The following PCDHA4 variants were observed in gnomAD, a reference collection of about 807,000 sequenced individuals.
PCDHA4 encodes protocadherin alpha 4.
In PCDHA4, 49 loss-of-function variants were observed where a neutral mutation model predicts 61.4. That is an observed-to-expected ratio of 0.80 (90% CI 0.63 to 1.01). PCDHA4 has a LOEUF of 1.01. PCDHA4 is among the 50% of genes least tolerant of loss of function. The pLI, the probability that PCDHA4 is intolerant of heterozygous loss-of-function variation, is 0.00. For missense variants in PCDHA4, 1,254 were observed against 1,235.8 expected (o/e 1.01, Z -0.22); for synonymous variants, 590 against 550.3 (o/e 1.07, Z -1.01).
chr5:140,829,348 G>T, intron 1 of PCDHA4: 4 of 1,614,236 alleles, frequency 2.5e-6, no homozygotes, highest in Non-Finnish European at 2.5e-6. Context: ...AGAGCGTGTC[G>T]GCCTATGAGT....
At chr5:140,915,781 A>C (rs2153536351) in intron 1 of PCDHA4, among the ~76,000 whole-genome samples, 1 of 152,104 alleles carries the variant, frequency 6.6e-6, no homozygotes, top group South Asian at 2.1e-4. Flanking sequence ...GGCCTGCTGT[A>C]ACCACTACCT....
Position 140,856,604 on chromosome 5 carries a change from GA to G in PCDHA4, c.2385+47033del, listed in dbSNP as rs782310012. On this transcript the variant is annotated intron_variant, in intron 1 of 3. Transcript: ENST00000530339. ...TGTTCTTGATATTATAAACAAAAAA[GA>G]CAAAGACAAATTCCCAGTGCTTGTT... 3.6e-5 allele frequency: 57 copies of G among 1,597,724 alleles called. 2 individuals are homozygous for G. In the African/African-American group the frequency reaches 6.7e-4, roughly 19 times the overall value.
intron 1 of PCDHA4, chr5:140,875,484 C>A: frequency 6.2e-7 from 1 of 1,611,246 alleles, no homozygotes. Context: ...TGGTGATTAT[C>A]GGACCAAGAG....
At chr5:140,856,750 C>T (rs1554149043) in intron 1 of PCDHA4, 2 of 1,596,152 alleles carry the variant, frequency 1.3e-6, no homozygotes, top group Non-Finnish European at 1.7e-6. Flanking sequence ...TGTTAGATGC[C>T]AATGATAACG....
chr5:141,009,809 G>T lies in PCDHA4; in HGVS notation c.2716G>T (p.Asp906Tyr), dbSNP rs782057926. The T allele has an allele frequency of 6.2e-7, 1 of 1,613,834 alleles. No homozygotes were observed. Among genetic ancestry groups the T allele is most frequent in the Non-Finnish European group, 8.5e-7 (1 of 1,180,010 alleles). ...GCAGGAGCCTACTAACAGCCAAATT[G>T]ACAAAAGTGACTTCATAACCTTCGG... ...IRQEPTNSQI[D>Y]KSDFITFGKK... The change falls in exon 4 of 4, where the codon GAC becomes TAC. Residue 906 changes from aspartate to tyrosine, a missense_variant. Physicochemically the swap from Asp to Tyr is radical, Grantham distance 160 (BLOSUM62 -3). Coordinates refer to ENST00000530339, the MANE Select transcript of PCDHA4 (RefSeq NM_018907.4).
intron 1 of PCDHA4, chr5:140,836,570 G>A (rs1294838200): frequency 6.2e-6 from 10 of 1,613,682 alleles, no homozygotes; most frequent in Non-Finnish European, 7.6e-6. Flanking sequence ...CGTCCTCTGA[G>A]GGCGCATGTA....
intron 1 of PCDHA4, chr5:140,834,591 T>C: frequency 1.2e-6 from 2 of 1,614,048 alleles, no homozygotes; most frequent in Non-Finnish European, 1.7e-6. Flanking sequence ...GGTGTGCAAA[T>C]TCCGTGGGGA....
chr5:140,960,519 G>C (rs188949970), intron 1 of PCDHA4, among the ~76,000 whole-genome samples: 19 of 152,198 alleles, frequency 1.2e-4, no homozygotes, highest in Admixed American at 1.2e-3. Context: ...AACATAATGG[G>C]TATAGGAAAG....
chr5:140,842,521 C>G lies in PCDHA4; in HGVS notation c.2385+32949C>G, dbSNP rs144333530. ...ATGTCCCCTTCAAGCTGGTGTCCAC[C>G]TTCAAGAATTACTACTCGTTGGTGC... On this transcript the variant is annotated intron_variant, in intron 1 of 3. Coordinates refer to ENST00000530339, the MANE Select transcript of PCDHA4 (RefSeq NM_018907.4). 5.7e-4 allele frequency: 916 copies of G among 1,613,508 alleles called. 20 individuals are homozygous for G. Among genetic ancestry groups the G allele is most frequent in the Non-Finnish European group, 7.4e-4 (868 of 1,179,496 alleles).
intron 1 of PCDHA4, among the ~76,000 whole-genome samples, chr5:140,909,299 T>G (rs561949225): frequency 6.6e-6 from 1 of 152,320 alleles, no homozygotes; most frequent in Non-Finnish European, 1.5e-5. Flanking sequence ...TGGACAGGAA[T>G]GGAGAAAAAG....
At position 140,942,589 on chromosome 5, in the gene PCDHA4, T is replaced by A. The variant is rs1444015331; in HGVS notation, c.2386-36360T>A. On this transcript the variant is annotated intron_variant, in intron 1 of 3. Coordinates refer to ENST00000530339, the MANE Select transcript of PCDHA4 (RefSeq NM_018907.4). ...AAATCTTCCCATATAGGATGTCACA[T>A]ATAATTATAGTGTTTATATTTGCCA... Among the ~76,000 whole-genome samples, 4 of 148,934 alleles carry A rather than the reference T, an allele frequency of 2.7e-5. No homozygotes were observed. In the Admixed American group the frequency reaches 2.7e-4, roughly 10 times the overall value.
At chr5:141,001,509 G>A (rs1025738776) in intron 3 of PCDHA4, among the ~76,000 whole-genome samples, 3 of 152,212 alleles carry the variant, frequency 2.0e-5, no homozygotes, top group Non-Finnish European at 4.4e-5. Context: ...GGTGGGCTTA[G>A]CTTTCTCCCT....
chr5:140,825,245 T>C (rs1257596640), intron 1 of PCDHA4: 1 of 151,538 alleles, frequency 6.6e-6, no homozygotes, highest in Non-Finnish European at 1.5e-5. Context: ...ATCTATGGTG[T>C]TCCATTGTGT....
At chr5:140,829,569 C>T (rs2150170274) in intron 1 of PCDHA4, 1 of 1,612,484 alleles carries the variant, frequency 6.2e-7, no homozygotes, top group East Asian at 2.2e-5. Flanking sequence ...GTGTCCTACT[C>T]GCTGGTGGAG....
At chr5:141,008,557 T>G (rs1394611167) in intron 3 of PCDHA4, among the ~76,000 whole-genome samples, 3 of 152,218 alleles carry the variant, frequency 2.0e-5, no homozygotes, top group African/African-American at 7.2e-5. Flanking sequence ...CTCCTGTGGA[T>G]GCATAATCAT....
intron 1 of PCDHA4, chr5:140,884,290 A>G: frequency 6.2e-7 from 1 of 1,613,642 alleles, no homozygotes; most frequent in Non-Finnish European, 8.5e-7. Flanking sequence ...AGAGCGGCCA[A>G]GCGCCACAGG....
intron 1 of PCDHA4, chr5:140,966,848 C>T (rs573027963): frequency 1.3e-6 from 2 of 1,571,846 alleles, no homozygotes; most frequent in East Asian, 2.3e-5. Flanking sequence ...GCTACTGCCT[C>T]TCCTGCTGCT....
rs571391051 is a variant in PCDHA4 at position 140,964,645 on chromosome 5, A to G, written c.2386-14304A>G. Among the ~76,000 whole-genome samples the G allele has an allele frequency of 4.6e-5, 7 of 152,152 alleles. No individual in the cohort carries two copies. The East Asian group carries it at 7.7e-4, about 17-fold the overall frequency. ...TATAAGCCATTTATTTTCAGAAACA[A>G]GTAATGGGTGAGGACACAGGCCAGG... is the stretch of plus-strand genomic sequence containing the variant. On this transcript the variant is annotated intron_variant, in intron 1 of 3. Coordinates refer to ENST00000530339, the MANE Select transcript of PCDHA4 (RefSeq NM_018907.4).
At chr5:140,876,848 A>C (rs1562720449) in intron 1 of PCDHA4, 8 of 1,614,064 alleles carry the variant, frequency 5.0e-6, no homozygotes, top group Non-Finnish European at 5.1e-6. Flanking sequence ...GCGCAGCCCG[A>C]GTACACAGTG....
Sources: allele counts gnomAD v4.1 joint callset (sites outside exome capture counted in the v4.1 genomes callset), GRCh38; gene constraint gnomAD v4.1.1; transcripts MANE v1.5; gene names NCBI Gene and HGNC (gene_info 2026-07-23, HGNC 2026-07-21).